Variants in PTPRN2 observed in about 807,000 individuals in gnomAD.
The protein encoded by PTPRN2 is receptor-type tyrosine-protein phosphatase N2.
Under a neutral mutation model 118.8 loss-of-function variants are expected in PTPRN2, and 74 were observed. The ratio of observed to expected loss-of-function variants is 0.62; its 90% confidence interval spans 0.52 to 0.76. PTPRN2 has a LOEUF of 0.76. PTPRN2 is among the 30% of genes least tolerant of loss of function. PTPRN2 has a pLI of 0.00. For missense variants in PTPRN2, 1,481 were observed against 1,394.4 expected, an observed-to-expected ratio of 1.06 and a Z score of -0.99; for synonymous variants, 641 against 608.0, an observed-to-expected ratio of 1.05 and a Z score of -0.80.
rs540388925 is a variant in PTPRN2, at chr7:158,075,767, G to A, written c.1723+5531C>T. Among the ~76,000 whole-genome samples the A allele has an allele frequency of 2.0e-5, 3 of 152,352 alleles. No homozygotes were observed. The South Asian group carries it at 6.2e-4, about 32-fold the overall frequency. On this transcript the variant is annotated intron_variant, in intron 11 of 22. Coordinates refer to ENST00000389418, the MANE Select transcript of PTPRN2 (RefSeq NM_002847.5). The stretch of plus-strand genomic sequence containing the variant: ...GGGTGACACCTCAGCCAGGCGAGCT[G>A]TGGGATCGTCAACCTCATGGCTGCG...
At chr7:158,414,846 G>A (rs142258118) in intron 2 of PTPRN2, among the ~76,000 whole-genome samples, 3 of 152,328 alleles carry the variant, frequency 2.0e-5, no homozygotes, top group Non-Finnish European at 2.9e-5. Flanking sequence ...ATGAGCCAGC[G>A]TGCTGTAAGG....
At chr7:158,275,705 G>A (rs570467742) in intron 3 of PTPRN2, among the ~76,000 whole-genome samples, 1 of 152,300 alleles carries the variant, frequency 6.6e-6, no homozygotes, top group East Asian at 1.9e-4. Context: ...TGTGGGGTGG[G>A]TTTGCCAGGG....
rs1391801198 is a variant in PTPRN2 at position 157,987,813 on chromosome 7, CA to C, written c.1724-89077del. Among the ~76,000 whole-genome samples, 62 of 152,304 alleles carry C rather than the reference CA, an allele frequency of 4.1e-4. 2 individuals are homozygous for C. The highest frequency in any genetic ancestry group is 3.7e-3 in the Admixed American group (57 of 15,300). On this transcript the variant is annotated intron_variant, in intron 11 of 22. Coordinates refer to ENST00000389418, the MANE Select transcript of PTPRN2 (RefSeq NM_002847.5). This position sits in a 1 kb window ranked among gnomAD's most constrained non-coding sequence, Gnocchi z 4.3. ...TCAGGGCAATAGGGAATCTGCTTTT[CA>C]ATGCAGCATCCCAGTGGGGTGGCCC... is the stretch of plus-strand genomic sequence containing the variant.
intron 11 of PTPRN2, among the ~76,000 whole-genome samples, chr7:158,072,159 C>T (rs1229910718): frequency 3.5e-5 from 2 of 56,962 alleles, no homozygotes; most frequent in Non-Finnish European, 6.7e-5. Flanking sequence ...TTCAGTTGAA[C>T]CTTTTGGTTC....
intron 11 of PTPRN2, among the ~76,000 whole-genome samples, chr7:157,945,162 C>G (rs891847127): frequency 9.2e-5 from 14 of 152,108 alleles, no homozygotes; most frequent in African/African-American, 2.9e-4. Context: ...GATGCGGAGG[C>G]CCCAGTGCTG....
intron 12 of PTPRN2, among the ~76,000 whole-genome samples, chr7:157,762,918 T>C (rs996166117): frequency 6.6e-6 from 1 of 152,154 alleles, no homozygotes; most frequent in African/African-American, 2.4e-5. Flanking sequence ...CTGAAAAGCA[T>C]GTTAGGCCCA....
intron 11 of PTPRN2, among the ~76,000 whole-genome samples, chr7:157,962,442 A>C (rs183378064): frequency 5.4e-4 from 83 of 152,334 alleles, no homozygotes; most frequent in African/African-American, 1.9e-3. Context: ...TAGAATTGTC[A>C]AACTCGGTCA....
intron 11 of PTPRN2, among the ~76,000 whole-genome samples, chr7:157,963,501 G>A (rs180709667): frequency 2.6e-5 from 4 of 152,368 alleles, no homozygotes; most frequent in Admixed American, 6.5e-5. Flanking sequence ...ACATAGATAC[G>A]TGTTACACAC....
chr7:157,819,474 G>A (rs372333063), intron 12 of PTPRN2, among the ~76,000 whole-genome samples: 2 of 152,080 alleles, frequency 1.3e-5, no homozygotes, highest in South Asian at 2.1e-4. Flanking sequence ...GGCTCACAGC[G>A]CCTGAGCACA....
chr7:158,091,065 C>A (rs1179641271), intron 10 of PTPRN2, among the ~76,000 whole-genome samples: 12 of 152,178 alleles, frequency 7.9e-5, no homozygotes, highest in African/African-American at 2.7e-4. Context: ...ACCGAGGCTT[C>A]TATTTGGTTG....
chr7:157,882,681 C>CA (rs954266917), intron 12 of PTPRN2, among the ~76,000 whole-genome samples: 1 of 150,610 alleles, frequency 6.6e-6, no homozygotes, highest in Non-Finnish European at 1.5e-5. Flanking sequence ...CACACCACCC[C>CA]AAAAATGACT....
intron 12 of PTPRN2, among the ~76,000 whole-genome samples, chr7:157,716,222 G>A (rs57149687): frequency 0.086 from 13,108 of 151,912 alleles, 1,868 homozygotes; most frequent in African/African-American, 0.23. Flanking sequence ...CTAAGAAGTC[G>A]CAGTTGTTGG....
rs566090194 is a variant in PTPRN2, at chr7:157,683,473, G to A, written c.1789-536C>T. On this transcript the variant is annotated intron_variant, in intron 12 of 22. Transcript: ENST00000389418. ...AGAACATTCTCCCTCCCAGGTCAGG[G>A]GATTTGGATCCACCTGTCTTGAAAG... 1.2e-4 allele frequency among the ~76,000 whole-genome samples: 19 copies of A among 152,250 alleles called. No homozygotes were observed. The South Asian group carries it at 2.1e-3, about 17-fold the overall frequency.
intron 3 of PTPRN2, among the ~76,000 whole-genome samples, chr7:158,297,013 C>T (rs114054597): frequency 0.011 from 1,721 of 152,286 alleles, 42 homozygotes; most frequent in African/African-American, 0.04. Context: ...CCGGGGGCAA[C>T]ATTTGGAATG....
At chr7:157,835,631 G>A (rs1481076567) in intron 12 of PTPRN2, among the ~76,000 whole-genome samples, 5 of 152,148 alleles carry the variant, frequency 3.3e-5, no homozygotes, top group African/African-American at 1.2e-4. Context: ...CTCTCAGGGC[G>A]CTCGGGAGGG....
At chr7:158,237,791 T>G (rs1284851600) in intron 3 of PTPRN2, among the ~76,000 whole-genome samples, 1 of 152,192 alleles carries the variant, frequency 6.6e-6, no homozygotes, top group Non-Finnish European at 1.5e-5. Context: ...ATGCTGCCAT[T>G]GCACTGATGC....
chr7:157,695,860 T>C (rs951280911), intron 12 of PTPRN2, among the ~76,000 whole-genome samples: 12 of 152,142 alleles, frequency 7.9e-5, no homozygotes, highest in Admixed American at 2.0e-4. Context: ...ATACTGGATC[T>C]TAGTAGAGCC....
At chr7:157,933,417 G>T (rs551782719) in intron 11 of PTPRN2, among the ~76,000 whole-genome samples, 17 of 149,240 alleles carry the variant, frequency 1.1e-4, no homozygotes, top group African/African-American at 4.2e-4. Context: ...TTAGAGGAAG[G>T]GTGAGTCACT....
intron 15 of PTPRN2, 100 bp from the exon 16 acceptor site, chr7:157,604,175 C>G: frequency 1.9e-6 from 2 of 1,028,166 alleles, no homozygotes; most frequent in Non-Finnish European, 3.0e-6. Context: ...AGCACAGGAC[C>G]CCTGCCCAGC....
Sources: gnomAD v4.1 joint callset for allele counts (sites outside exome capture counted in the v4.1 genomes callset) on GRCh38, gnomAD v4.1.1 for gene constraint, Gnocchi (gnomAD v3.1) non-coding constraint, MANE v1.5 for transcripts, NCBI Gene and HGNC (gene_info 2026-07-23, HGNC 2026-07-21) for gene names.